NET1: variants seen among roughly 807,000 people sequenced by gnomAD.
NET1 encodes the protein neuroepithelial cell-transforming gene 1 protein.
In NET1, 42 loss-of-function variants were observed where a neutral mutation model predicts 61.1. The observed-to-expected ratio is 0.69, with a 90% CI of 0.54 to 0.89. The LOEUF is 0.89. Among genes scored for constraint, NET1 ranks in the 40% least tolerant of loss-of-function variants. The probability of loss-of-function intolerance (pLI) is 0.00; values close to 1 mark genes in which losing one functional copy is unlikely to be tolerated. For synonymous variants in NET1, 254 were observed against 281.8 expected (o/e 0.90, Z 0.99); for missense variants, 654 against 747.3 (o/e 0.88, Z 1.46).
intron 2 of NET1, 105 bp from the exon 3 acceptor site, chr10:5,429,065 G>A (rs1832306700): frequency 2.4e-6 from 2 of 840,696 alleles, no homozygotes; most frequent in South Asian, 3.6e-5. Context: ...TATAGCCAAA[G>A]GCTTAACTTT....
At position 5,452,517 on chromosome 10, in the gene NET1, C is replaced by T. The variant is rs778125606; in HGVS notation, c.523C>T (p.Arg175Trp). 1.7e-5 allele frequency: 28 copies of T among 1,610,952 alleles called. 1 individual carries two copies. The Admixed American group carries it at 2.2e-4, about 13-fold the overall frequency. Residue 175 changes from arginine to tryptophan, a missense_variant, in exon 5 of 12, where the codon CGG (arginine) becomes TGG (tryptophan). Physicochemically the swap from Arg to Trp is moderately radical, Grantham distance 101. Coordinates refer to ENST00000355029, the MANE Select transcript of NET1 (RefSeq NM_001047160.3). The surrounding 1 kb of genome is among the most constrained non-coding windows in gnomAD (Gnocchi z 4.0). ...GTCTCTCACCACCAGGGAGATCAGACGGCAGGAGGTATGCTGGCACTCAGT... is the reference window on the plus strand; with the variant it reads ...GTCTCTCACCACCAGGGAGATCAGATGGCAGGAGGTATGCTGGCACTCAGT... ...KESLTTREIR[R>W]QEAIYEMSRG...
At chr10:5,433,720 C>A (rs1564461802) in intron 3 of NET1, among the ~76,000 whole-genome samples, 2 of 151,336 alleles carry the variant, frequency 1.3e-5, no homozygotes, top group Admixed American at 6.6e-5. Flanking sequence ...GTTTTAGGAA[C>A]TTTTTTTTTC....
At chr10:5,430,935 G>A (rs996852055) in intron 3 of NET1, among the ~76,000 whole-genome samples, 3 of 148,234 alleles carry the variant, frequency 2.0e-5, no homozygotes, top group Non-Finnish European at 4.5e-5. Flanking sequence ...GCAGTGGCGC[G>A]ATCTCTGCTC....
Position 5,426,569 on chromosome 10 carries a change from A to G in NET1, c.129-86A>G. 9.5e-7 allele frequency: 1 copy of G among 1,058,026 alleles called. No homozygotes were observed. The highest frequency in any genetic ancestry group is 1.6e-5 in the African/African-American group (1 of 62,030). 65.5% of individuals were successfully genotyped at this position (1,058,026 alleles called of 1,614,324 possible). On this transcript the variant is annotated intron_variant, in intron 1 of 11. Coordinates refer to ENST00000355029, the MANE Select transcript of NET1 (RefSeq NM_001047160.3). This position sits in a 1 kb window ranked among gnomAD's most constrained non-coding sequence, Gnocchi z 4.6. ...GGCCACTTTAAACGGTTTTGAAAGT[A>G]TGAAAAGTATAGCTTTTTATCTGTT... is the stretch of plus-strand genomic sequence containing the variant.
chr10:5,433,903 C>A (rs1442752542), intron 3 of NET1, among the ~76,000 whole-genome samples: 3 of 128,470 alleles, frequency 2.3e-5, no homozygotes, highest in Admixed American at 9.1e-5. Context: ...AAGCATTGTA[C>A]TTTTCATTCT....
chr10:5,450,073 G>C (rs1181297323), intron 3 of NET1, among the ~76,000 whole-genome samples: 1 of 152,188 alleles, frequency 6.6e-6, no homozygotes, highest in African/African-American at 2.4e-5. Context: ...GTGTCAGTCA[G>C]TCAGCACAGA....
Position 5,426,890 on chromosome 10 carries a change from G to C in NET1, c.195+169G>C, listed in dbSNP as rs1031761437. ...TTTAGTCCTTTTCTGCTAACAAGCT[G>C]TAATAACTTTTTGTTTCAAGTAAAT... On this transcript the variant is annotated intron_variant, in intron 2 of 11. Coordinates refer to ENST00000355029, the MANE Select transcript of NET1 (RefSeq NM_001047160.3). This position sits in a 1 kb window ranked among gnomAD's most constrained non-coding sequence, Gnocchi z 4.6. 6.6e-6 allele frequency among the ~76,000 whole-genome samples: 1 copy of C among 152,074 alleles called. No homozygotes were observed. Among genetic ancestry groups the C allele is most frequent in the Non-Finnish European group, 1.5e-5 (1 of 67,994 alleles).
Position 5,447,681 on chromosome 10 carries a change from T to A in NET1, c.256-4149T>A, listed in dbSNP as rs1266195703. 6.6e-6 allele frequency among the ~76,000 whole-genome samples: 1 copy of A among 152,252 alleles called. No individual in the cohort carries two copies. The highest frequency in any genetic ancestry group is 1.5e-5 in the Non-Finnish European group (1 of 68,040). On this transcript the variant is annotated intron_variant, in intron 3 of 11. Coordinates refer to ENST00000355029, the MANE Select transcript of NET1 (RefSeq NM_001047160.3). The surrounding 1 kb of genome is among the most constrained non-coding windows in gnomAD (Gnocchi z 4.1). ...CTGAATACCCCAGCAAAGTTGCTTG[T>A]CATGTGTACACATACACACACCTTT...
In NET1 at chr10:5,423,591, A is replaced by C. The variant is rs1832213273; in HGVS notation, c.129-3064A>C. ...TTCCTTAAATGTTGTAATTATTTGG[A>C]TATATAGAAAAATACATTGGATATA... On this transcript the variant is annotated intron_variant, in intron 1 of 11. Transcript: ENST00000355029. The surrounding 1 kb of genome is among the most constrained non-coding windows in gnomAD (Gnocchi z 4.4). Among the ~76,000 whole-genome samples, 1 of 152,178 alleles carries C rather than the reference A, an allele frequency of 6.6e-6. No individual in the cohort carries two copies. The highest frequency in any genetic ancestry group is 6.5e-5 in the Admixed American group (1 of 15,270).
chr10:5,452,299 G>T lies in NET1; in HGVS notation c.364-59G>T, dbSNP rs1832717338. ...TTCACTTTAAAAAAAAAGAAAATGGGAATAATTCTATTTCTTCCAAATCTT... is the reference window on the plus strand; with the variant it reads ...TTCACTTTAAAAAAAAAGAAAATGGTAATAATTCTATTTCTTCCAAATCTT... On this transcript the variant is annotated intron_variant, in intron 4 of 11. Transcript: ENST00000355029. The surrounding 1 kb of genome is among the most constrained non-coding windows in gnomAD (Gnocchi z 4.0). 7.4e-7 allele frequency: 1 copy of T among 1,356,664 alleles called. No homozygotes were observed. The highest frequency in any genetic ancestry group is 9.7e-7 in the Non-Finnish European group (1 of 1,030,478). 84.0% of individuals were successfully genotyped at this position (1,356,664 alleles called of 1,614,324 possible). A position where few individuals can be genotyped will look rare whatever the true frequency, so the allele number is the denominator to read the frequency against.
chr10:5,430,712 A>G (rs896484368), intron 3 of NET1, among the ~76,000 whole-genome samples: 9 of 152,128 alleles, frequency 5.9e-5, no homozygotes, highest in Non-Finnish European at 7.4e-5. Flanking sequence ...AACAGTACAA[A>G]TAATTCCTTA....
rs529487867 is a variant in NET1, at chr10:5,423,093, A to G, written c.129-3562A>G. Reference sequence around the variant, plus strand: ...AGTATATGTACAGTGCTTGTCACATAGTAGGCACCCAATAAATGATAACAT... The same window carrying G: ...AGTATATGTACAGTGCTTGTCACATGGTAGGCACCCAATAAATGATAACAT... On this transcript the variant is annotated intron_variant, in intron 1 of 11. Coordinates refer to ENST00000355029, the MANE Select transcript of NET1 (RefSeq NM_001047160.3). This position sits in a 1 kb window ranked among gnomAD's most constrained non-coding sequence, Gnocchi z 4.4. Among the ~76,000 whole-genome samples the G allele has an allele frequency of 6.6e-6, 1 of 152,340 alleles. No homozygotes were observed. The highest frequency in any genetic ancestry group is 2.1e-4 in the South Asian group (1 of 4,830).
chr10:5,413,431 T>C (rs1832034185), intron 1 of NET1, among the ~76,000 whole-genome samples: 1 of 152,156 alleles, frequency 6.6e-6, no homozygotes, highest in Admixed American at 6.5e-5. Context: ...TCTTTTTACT[T>C]TTTGTGGAAG....
chr10:5,433,336 C>A (rs1384824315), intron 3 of NET1, among the ~76,000 whole-genome samples: 1 of 152,144 alleles, frequency 6.6e-6, no homozygotes, highest in Non-Finnish European at 1.5e-5. Context: ...TGACTGATCT[C>A]TCTATGTTTT....
chr10:5,433,984 A>G (rs1365934373), intron 3 of NET1, among the ~76,000 whole-genome samples: 3 of 151,822 alleles, frequency 2.0e-5, no homozygotes, highest in Non-Finnish European at 4.4e-5. Context: ...CAGTCACCTA[A>G]TTTCTGAGTC....
At chr10:5,442,646 G>C (rs1222028706) in intron 3 of NET1, among the ~76,000 whole-genome samples, 1 of 152,134 alleles carries the variant, frequency 6.6e-6, no homozygotes, top group Non-Finnish European at 1.5e-5. Flanking sequence ...TGTAATTCCA[G>C]CACTTTGGGA....
At position 5,456,504 on chromosome 10, in the gene NET1, C is replaced by A; in HGVS notation, c.1385-84C>A. ...AAATAAATTGCCATAAATTGACAGTCACGTTAAGATTGTATGACCACTTTG... is the reference window on the plus strand; with the variant it reads ...AAATAAATTGCCATAAATTGACAGTAACGTTAAGATTGTATGACCACTTTG... On this transcript the variant is annotated intron_variant, in intron 11 of 11. Coordinates refer to ENST00000355029, the MANE Select transcript of NET1 (RefSeq NM_001047160.3). This position sits in a 1 kb window ranked among gnomAD's most constrained non-coding sequence, Gnocchi z 7.0. 7.6e-7 allele frequency: 1 copy of A among 1,318,718 alleles called. No homozygotes were observed. The highest frequency in any genetic ancestry group is 2.3e-5 in the East Asian group (1 of 42,614). The allele number at this position is 1,318,718 out of a possible 1,614,324, so 81.7% of individuals were successfully genotyped here. A position where few individuals can be genotyped will look rare whatever the true frequency, so the allele number is the denominator to read the frequency against.
At position 5,451,203 on chromosome 10, in the gene NET1, A is replaced by G. The variant is rs1482822839; in HGVS notation, c.256-627A>G. Among the ~76,000 whole-genome samples, 1 of 152,150 alleles carries G rather than the reference A, an allele frequency of 6.6e-6. No individual in the cohort carries two copies. The highest frequency in any genetic ancestry group is 1.5e-5 in the Non-Finnish European group (1 of 68,042). ...TGCCCTAGCAAGTGGTAGAGCCGGG[A>G]TTTGTGCCCAGTCAGATTTCAGAGC... On this transcript the variant is annotated intron_variant, in intron 3 of 11. Transcript: ENST00000355029. This position sits in a 1 kb window ranked among gnomAD's most constrained non-coding sequence, Gnocchi z 6.1.
Position 5,443,418 on chromosome 10 carries a change from T to C in NET1, c.256-8412T>C, listed in dbSNP as rs1411525302. On this transcript the variant is annotated intron_variant, in intron 3 of 11. Transcript: ENST00000355029. This position sits in a 1 kb window ranked among gnomAD's most constrained non-coding sequence, Gnocchi z 4.8. ...GAGTTGATTAAATAACATATAGAACTCTAGCACAAAGTAAGACCTTAAATT... is the reference window on the plus strand; with the variant it reads ...GAGTTGATTAAATAACATATAGAACCCTAGCACAAAGTAAGACCTTAAATT... Among the ~76,000 whole-genome samples, 1 of 152,186 alleles carries C rather than the reference T, an allele frequency of 6.6e-6. No homozygotes were observed. Among genetic ancestry groups the C allele is most frequent in the Non-Finnish European group, 1.5e-5 (1 of 68,036 alleles).
Sources: gnomAD v4.1 joint callset for allele counts (sites outside exome capture counted in the v4.1 genomes callset) on GRCh38, gnomAD v4.1.1 for gene constraint, Gnocchi (gnomAD v3.1) non-coding constraint, MANE v1.5 for transcripts, NCBI Gene and HGNC (gene_info 2026-07-23, HGNC 2026-07-21) for gene names.